The following XKR9 variants were observed in gnomAD, a reference collection of about 807,000 sequenced individuals.
XKR9 encodes XK related 9, also known as XK-related protein 9.
In XKR9, 32 loss-of-function variants were observed where a neutral mutation model predicts 32.0. The observed-to-expected ratio is 1.00, with a 90% CI of 0.76 to 1.34. The LOEUF (loss-of-function observed/expected upper bound fraction) is 1.34, where lower values mean the gene tolerates loss of function less well. XKR9 is among the 40% of genes most tolerant of loss of function. The pLI is 0.00. For synonymous variants in XKR9, 168 were observed against 143.4 expected (o/e 1.17, Z -1.22); for missense variants, 546 against 429.7 (o/e 1.27, Z -2.39).
At chr8:70,792,114 T>G (rs1807771575), downstream of XKR9, among the ~76,000 whole-genome samples, 1 of 152,102 alleles carries the variant, frequency 6.6e-6, no homozygotes, top group East Asian at 1.9e-4. Context: ...AATTTAGAGA[T>G]AAAGGATATC....
the XKR9 span, among the ~76,000 whole-genome samples, chr8:71,021,613 C>T: frequency 6.6e-6 from 1 of 151,482 alleles, no homozygotes; most frequent in Non-Finnish European, 1.5e-5. Flanking sequence ...CGCCATTCTC[C>T]TGCCTCAGCC....
At chr8:70,690,606 C>A (rs1819481510) in intron 3 of XKR9, among the ~76,000 whole-genome samples, 1 of 151,796 alleles carries the variant, frequency 6.6e-6, no homozygotes, top group African/African-American at 2.4e-5. Context: ...ACCTCGGCCT[C>A]CCAAAGTGTT....
At chr8:70,784,984 G>T (rs1017099897) in intron 2 of XKR9, among the ~76,000 whole-genome samples, 1 of 151,088 alleles carries the variant, frequency 6.6e-6, no homozygotes, top group Non-Finnish European at 1.5e-5. Context: ...TCTTCATTCT[G>T]TTAATGTGAT....
intron 2 of XKR9, among the ~76,000 whole-genome samples, chr8:70,751,520 C>T (rs747016670): frequency 2.0e-5 from 3 of 152,146 alleles, no homozygotes; most frequent in Admixed American, 6.5e-5. Flanking sequence ...GAGGCTACTT[C>T]TTGAAGAGAT....
chr8:70,823,698 A>T, the XKR9 span, among the ~76,000 whole-genome samples: 1 of 152,104 alleles, frequency 6.6e-6, no homozygotes, highest in African/African-American at 2.4e-5. Flanking sequence ...AATGGATTTG[A>T]TTTTTTTGAA....
At chr8:70,684,675 G>A (rs1296433933) in intron 3 of XKR9, among the ~76,000 whole-genome samples, 4 of 149,196 alleles carry the variant, frequency 2.7e-5, no homozygotes, top group African/African-American at 2.5e-5. Flanking sequence ...CCATCAAAAA[G>A]TGGGCGAAGG....
chr8:70,782,273 T>C (rs533410555), intron 2 of XKR9, among the ~76,000 whole-genome samples: 7 of 152,216 alleles, frequency 4.6e-5, no homozygotes, highest in Admixed American at 3.9e-4. Context: ...TTATTTTTTA[T>C]TGTAAATTGA....
At chr8:70,859,564 A>G in the XKR9 span, among the ~76,000 whole-genome samples, 4 of 152,166 alleles carry the variant, frequency 2.6e-5, no homozygotes, top group Admixed American at 6.6e-5. Flanking sequence ...TTGCAGTACT[A>G]TTCAGAATAG....
At chr8:70,738,799 C>T (rs62530850), downstream of XKR9, among the ~76,000 whole-genome samples, 10,963 of 152,030 alleles carry the variant, frequency 0.072, 451 homozygotes, top group Non-Finnish European at 0.088. Context: ...TTTCTTAATC[C>T]TGAGTTCTAG....
At chr8:70,848,648 AT>A in the XKR9 span, among the ~76,000 whole-genome samples, 4 of 151,934 alleles carry the variant, frequency 2.6e-5, no homozygotes, top group Non-Finnish European at 4.4e-5. Flanking sequence ...AGACTGGCAA[AT>A]TGGATAGTCA....
rs760769714 is a variant in XKR9, at chr8:70,734,032, A to C, written c.730A>C (p.Ile244Leu). ...GTTATTTCTTTGGTTGTTAGGTATA[A>C]TATGGGCATTTAAAAACAACACCCA... is the stretch of plus-strand genomic sequence containing the variant. ...LLLFLWLLGI[I>L]WAFKNNTQFC... is the part of the protein sequence containing the mutation. The change falls in exon 5 of 5, where the codon ATA becomes CTA. Residue 244 changes from isoleucine to leucine, a missense_variant. Ile to Leu is a conservative substitution (Grantham distance 5). Coordinates refer to ENST00000408926, the MANE Select transcript of XKR9 (RefSeq NM_001011720.2). 1.9e-6 allele frequency: 3 copies of C among 1,613,516 alleles called. No individual in the cohort carries two copies. The South Asian group carries it at 3.3e-5, about 18-fold the overall frequency.
At chr8:70,773,877 CT>C (rs1807485236) in intron 2 of XKR9, among the ~76,000 whole-genome samples, 1 of 152,110 alleles carries the variant, frequency 6.6e-6, no homozygotes, top group African/African-American at 2.4e-5. Context: ...CATGGATTGG[CT>C]GTTAGAATAG....
At chr8:70,730,210 T>G (rs1201881977) in intron 4 of XKR9, among the ~76,000 whole-genome samples, 2 of 152,218 alleles carry the variant, frequency 1.3e-5, no homozygotes, top group Non-Finnish European at 2.9e-5. Context: ...TTTCATTATC[T>G]TTTAATATTA....
At chr8:70,727,138 G>A (rs1806497690) in intron 4 of XKR9, among the ~76,000 whole-genome samples, 1 of 152,052 alleles carries the variant, frequency 6.6e-6, no homozygotes, top group Non-Finnish European at 1.5e-5. Flanking sequence ...TGATCTTGAT[G>A]GAGCTTATGT....
the XKR9 span, among the ~76,000 whole-genome samples, chr8:70,837,401 C>G: frequency 1.3e-5 from 2 of 151,924 alleles, no homozygotes; most frequent in African/African-American, 4.8e-5. Flanking sequence ...CATAGGAAAC[C>G]CTATAAACAT....
chr8:70,693,824 T>C (rs370664140), intron 3 of XKR9, among the ~76,000 whole-genome samples: 4 of 152,290 alleles, frequency 2.6e-5, no homozygotes, highest in African/African-American at 9.6e-5. Flanking sequence ...GAGGTGTGGA[T>C]AAGGCACTTG....
the XKR9 span, among the ~76,000 whole-genome samples, chr8:71,036,299 T>C: frequency 6.6e-6 from 1 of 152,208 alleles, no homozygotes; most frequent in Non-Finnish European, 1.5e-5. Flanking sequence ...TTACTGACTT[T>C]TGATTTTTAG....
chr8:71,013,425 G>A, the XKR9 span, among the ~76,000 whole-genome samples: 64,763 of 151,962 alleles, frequency 0.43, 14,956 homozygotes, highest in Non-Finnish European at 0.53. Flanking sequence ...GGGTATTGAG[G>A]CAGTGCGGCA....
the XKR9 span, among the ~76,000 whole-genome samples, chr8:71,026,740 C>T: frequency 6.6e-6 from 1 of 152,294 alleles, no homozygotes; most frequent in Non-Finnish European, 1.5e-5. Flanking sequence ...TAAGTGCAAT[C>T]TGCCTCTCTC....
Sources: gnomAD v4.1 joint callset for allele counts (sites outside exome capture counted in the v4.1 genomes callset) on GRCh38, gnomAD v4.1.1 for gene constraint, MANE v1.5 for transcripts, NCBI Gene and HGNC (gene_info 2026-07-23, HGNC 2026-07-21) for gene names.